Variants in CRPPA observed in about 807,000 individuals in gnomAD.
CRPPA encodes the protein D-ribitol-5-phosphate cytidylyltransferase.
Under a neutral mutation model 52.0 loss-of-function variants are expected in CRPPA, and 43 were observed. The observed-to-expected ratio is 0.83, with a 90% CI of 0.65 to 1.07. The LOEUF is 1.07. Among genes scored for constraint, CRPPA ranks in the 50% least tolerant of loss-of-function variants. CRPPA has a pLI of 0.00. For synonymous variants in CRPPA, 250 were observed against 203.5 expected, an observed-to-expected ratio of 1.23 and a Z score of -1.94; for missense variants, 629 against 551.7, an observed-to-expected ratio of 1.14 and a Z score of -1.40.
intron 2 of CRPPA, among the ~76,000 whole-genome samples, chr7:16,387,036 A>T (rs1198980981): frequency 7.1e-5 from 6 of 84,772 alleles, no homozygotes; most frequent in Admixed American, 1.3e-4. Flanking sequence ...AATTTAAAAT[A>T]AAAAAAAGAT....
chr7:16,421,078 T>G lies in CRPPA; in HGVS notation c.245A>C (p.Gln82Pro), dbSNP rs949985964. 7.8e-7 allele frequency: 1 copy of G among 1,289,072 alleles called. No homozygotes were observed. The highest frequency in any genetic ancestry group is 9.9e-7 in the Non-Finnish European group (1 of 1,011,482). 79.9% of individuals were successfully genotyped at this position (1,289,072 alleles called of 1,614,324 possible). Residue 82 changes from glutamine to proline, a missense_variant, in exon 1 of 10, where the codon CAG becomes CCG. Coordinates refer to ENST00000407010, the MANE Select transcript of CRPPA (RefSeq NM_001101426.4). Reference protein sequence around the residue: ...LERPLISYTLQALERVCWIKD... With the variant: ...LERPLISYTLPALERVCWIKD... ...GGCGCCGCATTACCTCTCCAGGGCCTGTAGGGTGTAGCTGATGAGCGGCCT... is the reference window on the plus strand; with the variant it reads ...GGCGCCGCATTACCTCTCCAGGGCCGGTAGGGTGTAGCTGATGAGCGGCCT...
At chr7:16,361,859 C>CT (rs34029849) in intron 3 of CRPPA, among the ~76,000 whole-genome samples, 4 of 151,302 alleles carry the variant, frequency 2.6e-5, no homozygotes, top group African/African-American at 4.9e-5. Flanking sequence ...TACAAAGTAA[C>CT]TTTTTTTTTT....
intron 2 of CRPPA, among the ~76,000 whole-genome samples, chr7:16,384,953 G>C (rs1787215919): frequency 6.6e-6 from 1 of 152,086 alleles, no homozygotes; most frequent in Admixed American, 6.6e-5. Context: ...AAAGCAGTAA[G>C]GCAAGGTATG....
intron 3 of CRPPA, among the ~76,000 whole-genome samples, chr7:16,348,384 C>T (rs1285565532): frequency 1.3e-5 from 2 of 152,136 alleles, no homozygotes; most frequent in East Asian, 1.9e-4. Context: ...GGGGCTTAAT[C>T]CCCTGAGAGT....
intron 9 of CRPPA, among the ~76,000 whole-genome samples, chr7:16,102,217 T>C (rs1202094281): frequency 6.6e-6 from 1 of 151,944 alleles, no homozygotes; most frequent in Non-Finnish European, 1.5e-5. Flanking sequence ...AAGGATTCCC[T>C]ATTTAATAAA....
intron 2 of CRPPA, among the ~76,000 whole-genome samples, chr7:16,398,552 C>A (rs185378752): frequency 6.6e-6 from 1 of 152,280 alleles, no homozygotes; most frequent in East Asian, 1.9e-4. Context: ...ATAAGTGACA[C>A]GTGATCGTCA....
At position 16,278,456 on chromosome 7, in the gene CRPPA, A is replaced by G. The variant is rs185774749; in HGVS notation, c.836-230T>C. On this transcript the variant is annotated intron_variant, in intron 5 of 9. Coordinates refer to ENST00000407010, the MANE Select transcript of CRPPA (RefSeq NM_001101426.4). ...ACACTTTGTGGGTGAAGAACCAGCC[A>G]TTGTGCAACTAACAGAAATAAGATA... Among the ~76,000 whole-genome samples the G allele has an allele frequency of 1.1e-3, 165 of 152,334 alleles. 1 individual carries two copies. Among genetic ancestry groups the G allele is most frequent in the African/African-American group, 3.8e-3 (159 of 41,586 alleles).
chr7:16,109,246 C>A (rs1291586586), intron 9 of CRPPA, among the ~76,000 whole-genome samples: 1 of 151,536 alleles, frequency 6.6e-6, no homozygotes, highest in African/African-American at 2.4e-5. Flanking sequence ...ACTGATAACA[C>A]AAAAATACAA....
At chr7:16,340,621 A>C (rs1329316856) in intron 3 of CRPPA, among the ~76,000 whole-genome samples, 1 of 151,340 alleles carries the variant, frequency 6.6e-6, no homozygotes, top group South Asian at 2.1e-4. Flanking sequence ...AAAAAGAAAA[A>C]AAAAACGAAA....
At chr7:16,148,943 A>G (rs752827629) in intron 9 of CRPPA, among the ~76,000 whole-genome samples, 2 of 152,172 alleles carry the variant, frequency 1.3e-5, no homozygotes, top group Non-Finnish European at 2.9e-5. Flanking sequence ...TATGTACATT[A>G]TGTATTAACT....
intron 9 of CRPPA, among the ~76,000 whole-genome samples, chr7:16,106,538 G>A (rs1782155505): frequency 6.6e-6 from 1 of 152,178 alleles, no homozygotes; most frequent in Non-Finnish European, 1.5e-5. Context: ...AAAAGGTGGT[G>A]ACTCAGCCAA....
rs146657184 is a variant in CRPPA at position 16,244,334 on chromosome 7, A to C, written c.1119+14056T>G. On this transcript the variant is annotated intron_variant, in intron 8 of 9. Coordinates refer to ENST00000407010, the MANE Select transcript of CRPPA (RefSeq NM_001101426.4). The stretch of plus-strand genomic sequence containing the variant: ...AAGATCTCTGCAGAACCTAAAAATA[A>C]AATCCAATTATGCTAGATACCAATG... 8.5e-5 allele frequency among the ~76,000 whole-genome samples: 13 copies of C among 152,306 alleles called. No individual in the cohort carries two copies. In the East Asian group the frequency reaches 2.5e-3, roughly 29 times the overall value.
At position 16,308,666 on chromosome 7, in the gene CRPPA, T is replaced by C. The variant is rs537770139; in HGVS notation, c.685-39A>G. On this transcript the variant is annotated intron_variant, in intron 3 of 9. Coordinates refer to ENST00000407010, the MANE Select transcript of CRPPA (RefSeq NM_001101426.4). Reference sequence around the variant, plus strand: ...AACAACAACAACAATTAAGCTAAAATGCGATTTTAAGTAAAACCAAGCCTT... The same window carrying C: ...AACAACAACAACAATTAAGCTAAAACGCGATTTTAAGTAAAACCAAGCCTT... The C allele has an allele frequency of 1.6e-5, 20 of 1,252,112 alleles. No homozygotes were observed. In the East Asian group the frequency reaches 3.3e-4, roughly 21 times the overall value. 77.6% of individuals were successfully genotyped at this position (1,252,112 alleles called of 1,614,324 possible).
chr7:16,362,597 TAAC>T (rs1786484704), intron 3 of CRPPA, among the ~76,000 whole-genome samples: 1 of 152,204 alleles, frequency 6.6e-6, no homozygotes, highest in South Asian at 2.1e-4. Flanking sequence ...TATGTATATT[TAAC>T]TTTATAAAAC....
chr7:16,109,758 C>G (rs1172596698), intron 9 of CRPPA, among the ~76,000 whole-genome samples: 3 of 151,988 alleles, frequency 2.0e-5, no homozygotes, highest in African/African-American at 4.8e-5. Flanking sequence ...AATTCAGCAT[C>G]CTTTCATGTT....
intron 3 of CRPPA, among the ~76,000 whole-genome samples, chr7:16,327,568 C>T (rs112360194): frequency 0.28 from 38,787 of 139,832 alleles, 5,247 homozygotes; most frequent in Middle Eastern, 0.31. Flanking sequence ...AGTCCGCAGT[C>T]CGGCCTGGGC....
At chr7:16,181,452 C>T (rs1231074408) in intron 9 of CRPPA, among the ~76,000 whole-genome samples, 1 of 151,850 alleles carries the variant, frequency 6.6e-6, no homozygotes, top group South Asian at 2.1e-4. Flanking sequence ...TTAAACAGGT[C>T]AAATTATTGA....
chr7:16,322,715 G>C (rs909703537), intron 3 of CRPPA, among the ~76,000 whole-genome samples: 101 of 152,150 alleles, frequency 6.6e-4, no homozygotes, highest in African/African-American at 2.4e-3. Flanking sequence ...ATTTGAGGGA[G>C]AGTATTCAAT....
At chr7:16,406,715 A>C (rs1787962430) in intron 1 of CRPPA, among the ~76,000 whole-genome samples, 1 of 152,200 alleles carries the variant, frequency 6.6e-6, no homozygotes, top group African/African-American at 2.4e-5. Context: ...TTTTCCCTTC[A>C]ATGAGACAAT....
Sources: gnomAD v4.1 joint callset for allele counts (sites outside exome capture counted in the v4.1 genomes callset) on GRCh38, gnomAD v4.1.1 for gene constraint, MANE v1.5 for transcripts, NCBI Gene and HGNC (gene_info 2026-07-23, HGNC 2026-07-21) for gene names.